Variants in EPHA3 observed in about 807,000 individuals in gnomAD.
The protein encoded by EPHA3 is ephrin type-A receptor 3.
EPHA3 carries 42 observed loss-of-function variants against 107.1 expected under a neutral mutation model. The observed-to-expected ratio is 0.39, with a 90% confidence interval of 0.31 to 0.51. The LOEUF (loss-of-function observed/expected upper bound fraction) is 0.51, where lower values mean the gene tolerates loss of function less well. Ranked by LOEUF, EPHA3 falls within the 20% of genes least tolerant of loss-of-function variation. The pLI is 0.78. For synonymous variants in EPHA3, 461 were observed against 424.8 expected, an observed-to-expected ratio of 1.09 and a Z score of -1.05; for missense variants, 1,183 against 1,211.2, an observed-to-expected ratio of 0.98 and a Z score of 0.35.
chr3:89,234,178 A>G (rs928840536), intron 3 of EPHA3, among the ~76,000 whole-genome samples: 5 of 152,240 alleles, frequency 3.3e-5, no homozygotes, highest in African/African-American at 1.2e-4. Context: ...TTAATTATAC[A>G]GAGCAGTAAG....
chr3:89,350,593 G>A (rs535478971), intron 5 of EPHA3, among the ~76,000 whole-genome samples: 2,227 of 149,492 alleles, frequency 0.015, 87 homozygotes, highest in Admixed American at 0.048. Flanking sequence ...TAATTTGATC[G>A]TCTGAAGCCT....
intron 2 of EPHA3, among the ~76,000 whole-genome samples, chr3:89,188,332 CT>C (rs1705622233): frequency 6.6e-6 from 1 of 152,174 alleles, no homozygotes; most frequent in Non-Finnish European, 1.5e-5. Context: ...CCTTGCTCAT[CT>C]TGCAGAAGTA....
intron 3 of EPHA3, among the ~76,000 whole-genome samples, chr3:89,287,429 G>T (rs1270871713): frequency 2.0e-5 from 3 of 152,070 alleles, no homozygotes; most frequent in Admixed American, 6.6e-5. Context: ...TCAATGAAAA[G>T]AAATGATAAT....
intron 2 of EPHA3, among the ~76,000 whole-genome samples, chr3:89,175,257 C>T (rs745567253): frequency 6.6e-6 from 1 of 151,782 alleles, no homozygotes; most frequent in Non-Finnish European, 1.5e-5. Context: ...GTGGTAAAAC[C>T]GAGTGGTGTT....
In EPHA3 at chr3:89,210,231, C is replaced by A. The variant is rs770039696; in HGVS notation, c.525C>A (p.Asn175Lys). Residue 175 changes from asparagine to lysine, a missense_variant, in exon 3 of 17, where the codon AAC becomes AAA. Transcript: ENST00000336596. ...NTEIREVGPV[N>K]KKGFYLAFQD... The stretch of plus-strand genomic sequence containing the variant: ...AGATTAGAGAAGTAGGTCCTGTCAA[C>A]AAGAAGGGATTTTATTTGGCATTTC... 3 of 1,614,012 alleles carry A rather than the reference C, an allele frequency of 1.9e-6. No homozygotes were observed. The highest frequency in any genetic ancestry group is 2.5e-6 in the Non-Finnish European group (3 of 1,179,958).
At chr3:89,316,495 G>GTC (rs1303278531) in intron 3 of EPHA3, among the ~76,000 whole-genome samples, 3 of 121,250 alleles carry the variant, frequency 2.5e-5, no homozygotes, top group East Asian at 2.4e-4. Context: ...GTGTGTGTGT[G>GTC]TGTGTGTGTA....
intron 1 of EPHA3, among the ~76,000 whole-genome samples, chr3:89,108,756 C>G (rs2106934782): frequency 6.6e-6 from 1 of 152,200 alleles, no homozygotes; most frequent in South Asian, 2.1e-4. Context: ...TCCTGTATTC[C>G]TTTTGTGATC....
rs922325060 is a variant in EPHA3 at position 89,246,079 on chromosome 3, G to A, written c.814+35559G>A. The stretch of plus-strand genomic sequence containing the variant: ...TCTCTTACGCTCAATTTAAACAATA[G>A]GAATGCTGACTATTCAAAGGGAAAT... On this transcript the variant is annotated intron_variant, in intron 3 of 16. Transcript: ENST00000336596. 1.6e-4 allele frequency among the ~76,000 whole-genome samples: 25 copies of A among 151,998 alleles called. 1 individual carries two copies. Among genetic ancestry groups the A allele is most frequent in the Admixed American group, 3.3e-4 (5 of 15,264 alleles).
intron 3 of EPHA3, among the ~76,000 whole-genome samples, chr3:89,212,506 A>G (rs1283732113): frequency 6.6e-6 from 1 of 151,992 alleles, no homozygotes; most frequent in African/African-American, 2.4e-5. Flanking sequence ...TATTTTTTAG[A>G]TCCCAGCATA....
At position 89,173,775 on chromosome 3, in the gene EPHA3, A is replaced by G. The variant is rs182982962; in HGVS notation, c.154-36085A>G. Among the ~76,000 whole-genome samples the G allele has an allele frequency of 1.0e-3, 155 of 152,138 alleles. No homozygotes were observed. In the South Asian group the frequency reaches 0.017, roughly 16 times the overall value. ...ATAAGCATATCTGAGGCAATTCTTG[A>G]GAACTAAAACAATGTGTTTAGTTTT... On this transcript the variant is annotated intron_variant, in intron 2 of 16. Coordinates refer to ENST00000336596, the MANE Select transcript of EPHA3 (RefSeq NM_005233.6).
chr3:89,390,599 C>G (rs1370041327), intron 5 of EPHA3, among the ~76,000 whole-genome samples: 1 of 73,066 alleles, frequency 1.4e-5, no homozygotes, highest in African/African-American at 4.3e-5. Flanking sequence ...GACTCCGTTT[C>G]CAAAAAAAAA....
intron 3 of EPHA3, among the ~76,000 whole-genome samples, chr3:89,331,891 G>A (rs1270386072): frequency 2.0e-5 from 3 of 151,970 alleles, no homozygotes; most frequent in Admixed American, 6.6e-5. Flanking sequence ...TTCCAATGCT[G>A]TTCTGATATT....
At chr3:89,309,827 T>C (rs1706721584) in intron 3 of EPHA3, among the ~76,000 whole-genome samples, 1 of 152,036 alleles carries the variant, frequency 6.6e-6, no homozygotes, top group Non-Finnish European at 1.5e-5. Context: ...TAAGAGATCT[T>C]TGGGCCCATT....
intron 3 of EPHA3, among the ~76,000 whole-genome samples, chr3:89,275,895 G>GAATGC (rs1553675929): frequency 6.6e-6 from 1 of 151,982 alleles, no homozygotes. Flanking sequence ...CAGTTAAAGG[G>GAATGC]AATGCAATGC....
chr3:89,377,309 T>C (rs772424222), intron 5 of EPHA3, among the ~76,000 whole-genome samples: 1 of 152,110 alleles, frequency 6.6e-6, no homozygotes, highest in Admixed American at 6.6e-5. Context: ...TTATGGAAGA[T>C]TCATTTCATA....
chr3:89,113,256 T>C (rs1169052985), intron 1 of EPHA3, among the ~76,000 whole-genome samples: 1 of 152,036 alleles, frequency 6.6e-6, no homozygotes, highest in Non-Finnish European at 1.5e-5. Flanking sequence ...AAAGCAATAT[T>C]GTGACATTTA....
chr3:89,355,759 A>C (rs1205615856), intron 5 of EPHA3, among the ~76,000 whole-genome samples: 5 of 150,480 alleles, frequency 3.3e-5, no homozygotes, highest in African/African-American at 1.2e-4. Flanking sequence ...GATCATGCAG[A>C]TCTTCCCGTG....
intron 2 of EPHA3, among the ~76,000 whole-genome samples, chr3:89,151,905 C>T (rs900735844): frequency 2.6e-5 from 4 of 152,040 alleles, no homozygotes; most frequent in Admixed American, 6.6e-5. Flanking sequence ...ATTCTGTTTG[C>T]AATGATCCAC....
At chr3:89,447,119 CAT>C (rs1709891150) in intron 13 of EPHA3, among the ~76,000 whole-genome samples, 1 of 152,134 alleles carries the variant, frequency 6.6e-6, no homozygotes, top group Non-Finnish European at 1.5e-5. Context: ...ATTATAAAAA[CAT>C]AAACTTGATC....
Sources: allele counts gnomAD v4.1 joint callset (sites outside exome capture counted in the v4.1 genomes callset), GRCh38; gene constraint gnomAD v4.1.1; transcripts MANE v1.5; gene names NCBI Gene and HGNC (gene_info 2026-07-23, HGNC 2026-07-21).